ZNF362: variants seen among roughly 807,000 people sequenced by gnomAD.
ZNF362 encodes the protein zinc finger protein 362, also known as rotund homolog.
Under a neutral mutation model 42.9 loss-of-function variants are expected in ZNF362, and 11 were observed. The ratio of observed to expected loss-of-function variants is 0.26; its 90% CI spans 0.16 to 0.42. The LOEUF (loss-of-function observed/expected upper bound fraction) is 0.42, where lower values mean the gene tolerates loss of function less well. ZNF362 is among the 20% of genes least tolerant of loss of function. ZNF362 has a pLI of 1.00. For missense variants in ZNF362, 362 were observed against 576.2 expected (o/e 0.63, Z 3.81); for synonymous variants, 255 against 257.3 (o/e 0.99, Z 0.09).
the ZNF362 span, among the ~76,000 whole-genome samples, chr1:33,151,932 G>A: frequency 1.3e-5 from 2 of 152,232 alleles, no homozygotes; most frequent in Non-Finnish European, 2.9e-5. Flanking sequence ...CAGAGGCTTC[G>A]AACATGCAGA....
the ZNF362 span, among the ~76,000 whole-genome samples, chr1:33,148,801 T>C: frequency 7.2e-5 from 11 of 152,320 alleles, no homozygotes; most frequent in East Asian, 1.9e-4. Context: ...TCTGAAAAGA[T>C]TGAAAACCAT....
At chr1:33,188,510 A>G in the ZNF362 span, among the ~76,000 whole-genome samples, 70 of 152,300 alleles carry the variant, frequency 4.6e-4, no homozygotes, top group South Asian at 3.9e-3. Flanking sequence ...GCAAATCTGT[A>G]TCAGTCCCAT....
At chr1:33,237,598 C>T in the ZNF362 span, among the ~76,000 whole-genome samples, 20 of 152,174 alleles carry the variant, frequency 1.3e-4, no homozygotes, top group Admixed American at 9.2e-4. Flanking sequence ...GTGGACCAGA[C>T]GCTGTCCTAA....
chr1:33,191,353 A>G, the ZNF362 span, among the ~76,000 whole-genome samples: 2 of 152,154 alleles, frequency 1.3e-5, no homozygotes, highest in Non-Finnish European at 2.9e-5. Flanking sequence ...GTCCTTATCA[A>G]CAACTCTTCT....
At chr1:33,161,446 G>GT in the ZNF362 span, among the ~76,000 whole-genome samples, 1 of 152,122 alleles carries the variant, frequency 6.6e-6, no homozygotes, top group East Asian at 1.9e-4. This position sits in a 1 kb window ranked among gnomAD's most constrained non-coding sequence, Gnocchi z 4.3. Flanking sequence ...ACTGTGTTCA[G>GT]TGCCCAGGGC....
Position 33,280,065 on chromosome 1 carries a change from C to A in ZNF362, c.350-59C>A, listed in dbSNP as rs1645980137. 1 of 1,501,380 alleles carries A rather than the reference C, an allele frequency of 6.7e-7. No individual in the cohort carries two copies. The highest frequency in any genetic ancestry group is 2.3e-5 in the Admixed American group (1 of 44,204). The allele number at this position is 1,501,380 out of a possible 1,614,324, so 93.0% of individuals were successfully genotyped here. A position where few individuals can be genotyped will look rare whatever the true frequency, so the allele number is the denominator to read the frequency against. On this transcript the variant is annotated intron_variant, in intron 4 of 8. Coordinates refer to ENST00000539719, the MANE Select transcript of ZNF362 (RefSeq NM_152493.3). This position sits in a 1 kb window ranked among gnomAD's most constrained non-coding sequence, Gnocchi z 5.6. The stretch of plus-strand genomic sequence containing the variant: ...TGCCAAAATCACATAGCTGGGTGGG[C>A]AGCTGAGCTGGCCTCTGCAGCTCCG...
rs774989777 is a variant in ZNF362, at chr1:33,298,994, C to T, written c.1211C>T (p.Ser404Leu). The T allele has an allele frequency of 2.5e-6, 4 of 1,613,166 alleles. No individual in the cohort carries two copies. The highest frequency in any genetic ancestry group is 3.3e-4 in the Middle Eastern group (2 of 6,084). ...GTGGAGCACCTGGTGAGCCATCACT[C>T]GCCCCAGAGGACGGAGTCCCCCGGC... ...TVVEHLVSHH[S>L]PQRTESPGIP... The change falls in exon 9 of 9, where the codon TCG becomes TTG. Residue 404 changes from serine to leucine, a missense_variant. Coordinates refer to ENST00000539719, the MANE Select transcript of ZNF362 (RefSeq NM_152493.3).
chr1:33,277,178 T>C (rs1645957317), intron 4 of ZNF362, among the ~76,000 whole-genome samples: 1 of 152,240 alleles, frequency 6.6e-6, no homozygotes, highest in South Asian at 2.1e-4. Flanking sequence ...GTGAGGTGTG[T>C]GCTGTTGGTA....
chr1:33,256,426 C>G (rs1397654360), upstream of ZNF362: 1 of 140,860 alleles, frequency 7.1e-6, no homozygotes, highest in African/African-American at 2.7e-5. Flanking sequence ...CACTGGGGGC[C>G]GCGCGGCGCT....
intron 6 of ZNF362, among the ~76,000 whole-genome samples, chr1:33,291,645 T>A (rs1475881208): frequency 6.6e-6 from 1 of 152,226 alleles, no homozygotes; most frequent in Non-Finnish European, 1.5e-5. Context: ...AATCTATAAA[T>A]TACCTTGGGC....
chr1:33,135,877 G>A, the ZNF362 span, among the ~76,000 whole-genome samples: 1 of 152,138 alleles, frequency 6.6e-6, no homozygotes, highest in Admixed American at 6.5e-5. Flanking sequence ...TTGGGTAAGC[G>A]ATTGAATGAG....
chr1:33,240,950 C>T, the ZNF362 span, among the ~76,000 whole-genome samples: 5 of 152,286 alleles, frequency 3.3e-5, no homozygotes, highest in East Asian at 1.9e-4. Flanking sequence ...GACTTTCCCA[C>T]GCAAAATGAT....
chr1:33,188,836 T>C, the ZNF362 span, among the ~76,000 whole-genome samples: 1 of 152,182 alleles, frequency 6.6e-6, no homozygotes, highest in African/African-American at 2.4e-5. Flanking sequence ...ATCTAACTGA[T>C]TGTTCAGCAC....
chr1:33,286,091 AAAAG>A (rs1646030470), intron 6 of ZNF362, among the ~76,000 whole-genome samples: 1 of 152,182 alleles, frequency 6.6e-6, no homozygotes, highest in East Asian at 1.9e-4. Flanking sequence ...AAACAACAAA[AAAAG>A]AAGAATACAA....
Position 33,294,597 on chromosome 1 carries a change from G to A in ZNF362, c.909-340G>A, listed in dbSNP as rs1297478488. Among the ~76,000 whole-genome samples, 1 of 152,208 alleles carries A rather than the reference G, an allele frequency of 6.6e-6. No individual in the cohort carries two copies. Among genetic ancestry groups the A allele is most frequent in the African/African-American group, 2.4e-5 (1 of 41,456 alleles). ...TGTGCATCTGTGTTCTTTGCAATAT[G>A]TGGTCCGTAGTGTGGGGTTTTCAAA... On this transcript the variant is annotated intron_variant, in intron 6 of 8. Transcript: ENST00000539719. The surrounding 1 kb of genome is among the most constrained non-coding windows in gnomAD (Gnocchi z 4.2).
chr1:33,262,167 G>A (rs1371163037), intron 1 of ZNF362, among the ~76,000 whole-genome samples: 1 of 151,622 alleles, frequency 6.6e-6, no homozygotes, highest in African/African-American at 2.4e-5. Context: ...GAAGGCCAAG[G>A]GATTTGGCTC....
the ZNF362 span, among the ~76,000 whole-genome samples, chr1:33,127,527 G>C: frequency 1.3e-5 from 2 of 152,252 alleles, no homozygotes; most frequent in East Asian, 1.9e-4. Flanking sequence ...GGGTCAACCC[G>C]GGACTGAGGC....
intron 6 of ZNF362, among the ~76,000 whole-genome samples, chr1:33,284,661 A>G (rs1646019441): frequency 6.6e-6 from 1 of 152,200 alleles, no homozygotes; most frequent in African/African-American, 2.4e-5. Context: ...AAGAAGGAAG[A>G]AGGCACCATT....
At chr1:33,184,919 T>C in the ZNF362 span, among the ~76,000 whole-genome samples, 16 of 152,142 alleles carry the variant, frequency 1.1e-4, no homozygotes, top group Non-Finnish European at 2.2e-4. Context: ...TAGCTGGGAC[T>C]ACAGGCGCAT....
Sources: allele counts gnomAD v4.1 joint callset (sites outside exome capture counted in the v4.1 genomes callset), GRCh38; gene constraint gnomAD v4.1.1; non-coding constraint Gnocchi (gnomAD v3.1); transcripts MANE v1.5; gene names NCBI Gene and HGNC (gene_info 2026-07-23, HGNC 2026-07-21).